The following ZNF292 variants were observed in gnomAD, a reference collection of about 807,000 sequenced individuals.
The protein encoded by ZNF292 is 16 zinc-finger domain protein.
Under a neutral mutation model 217.9 loss-of-function variants are expected in ZNF292, and 26 were observed. That is an observed-to-expected ratio of 0.12 (90% CI 0.09 to 0.17). The LOEUF (loss-of-function observed/expected upper bound fraction) is 0.17. Among genes scored for constraint, ZNF292 ranks in the 10% least tolerant of loss-of-function variants. The pLI, the probability that ZNF292 is intolerant of heterozygous loss-of-function variation, is 1.00. For missense variants in ZNF292, 2,904 were observed against 3,175.2 expected (o/e 0.91, Z 2.05); for synonymous variants, 1,257 against 1,124.1 (o/e 1.12, Z -2.37).
In ZNF292 at chr6:87,265,441, G is replaced by A. The variant is rs1200717607; in HGVS notation, c.*3640G>A. On this transcript the variant is annotated 3_prime_UTR_variant, in exon 8 of 8. Transcript: ENST00000369577. ...TCACCATGTTGGCCAGGCTGGTCTT[G>A]AACTCCTGACCTCAGGTGATCACCC... Among the ~76,000 whole-genome samples the A allele has an allele frequency of 1.3e-5, 2 of 152,038 alleles. No individual in the cohort carries two copies. Among genetic ancestry groups the A allele is most frequent in the Non-Finnish European group, 2.9e-5 (2 of 67,990 alleles).
At chr6:87,180,975 C>T (rs894750887) in intron 1 of ZNF292, among the ~76,000 whole-genome samples, 6 of 152,262 alleles carry the variant, frequency 3.9e-5, no homozygotes, top group East Asian at 3.9e-4. Context: ...ACCCCTAGGG[C>T]GAGCATGCAG....
rs756135623 is a variant in ZNF292 at position 87,218,687 on chromosome 6, T to A, written c.494T>A (p.Val165Glu). Reference sequence around the variant, plus strand: ...GAGACTGGGGTGTGGAAAAACCCGGTACTGTGCACTATTCTTTCCCAGGAA... The same window carrying A: ...GAGACTGGGGTGTGGAAAAACCCGGAACTGTGCACTATTCTTTCCCAGGAA... ...AQETGVWKNPVLCTILSQEPL... is the reference protein window; with the variant it reads ...AQETGVWKNPELCTILSQEPL... Residue 165 changes from valine to glutamate, a missense_variant, in exon 4 of 8, where the codon GTA (valine) becomes GAA (glutamate). Physicochemically the swap from Val to Glu is moderately radical, Grantham distance 121. Around this residue, in one of 15 missense-constraint regions of ZNF292, gnomAD observed 313 missense variants for 451.0 expected, o/e 0.69. Transcript: ENST00000369577. 1 of 1,597,240 alleles carries A rather than the reference T, an allele frequency of 6.3e-7. No homozygotes were observed. Among genetic ancestry groups the A allele is most frequent in the South Asian group, 1.1e-5 (1 of 86,970 alleles).
chr6:87,212,157 G>A (rs550858895), intron 1 of ZNF292, among the ~76,000 whole-genome samples: 1 of 152,168 alleles, frequency 6.6e-6, no homozygotes, highest in Non-Finnish European at 1.5e-5. Context: ...TATTATAAAG[G>A]ATACAAATGA....
intron 1 of ZNF292, among the ~76,000 whole-genome samples, chr6:87,180,149 G>A (rs1236864497): frequency 2.0e-5 from 3 of 152,086 alleles, no homozygotes; most frequent in Non-Finnish European, 2.9e-5. Flanking sequence ...GAGCTGAATC[G>A]CAAAACAAAA....
At position 87,259,432 on chromosome 6, in the gene ZNF292, C is replaced by A. The variant is rs375361849; in HGVS notation, c.5803C>A (p.Leu1935Ile). 3 of 1,596,032 alleles carry A rather than the reference C, an allele frequency of 1.9e-6. No individual in the cohort carries two copies. Among genetic ancestry groups the A allele is most frequent in the East Asian group, 4.5e-5 (2 of 44,304 alleles). Reference protein sequence around the residue: ...KIHQYTPEMILEIKKNQLKFA... With the variant: ...KIHQYTPEMIIEIKKNQLKFA... ...TCATCAATACACTCCAGAAATGATTCTTGAAATTAAGAAGAATCAATTGAA... is the reference window on the plus strand; with the variant it reads ...TCATCAATACACTCCAGAAATGATTATTGAAATTAAGAAGAATCAATTGAA... The change falls in exon 8 of 8, where the codon CTT becomes ATT. Residue 1935 changes from leucine to isoleucine, a missense_variant. Leu to Ile is a conservative substitution (Grantham distance 5). Coordinates refer to ENST00000369577, the MANE Select transcript of ZNF292 (RefSeq NM_015021.3).
At chr6:87,169,740 G>T (rs1268747597) in intron 1 of ZNF292, 1 of 436,576 alleles carries the variant, frequency 2.3e-6, no homozygotes, top group Non-Finnish European at 4.6e-6. Flanking sequence ...TCCACCTCCC[G>T]GGCTCAAGTG....
chr6:87,260,266 G>T lies in ZNF292; in HGVS notation c.6637G>T (p.Val2213Phe). The T allele has an allele frequency of 1.9e-6, 3 of 1,613,650 alleles. No individual in the cohort carries two copies. Among genetic ancestry groups the T allele is most frequent in the Non-Finnish European group, 2.5e-6 (3 of 1,179,640 alleles). ...EIESMTASVDVGKFPCDQLEC... is the reference protein window; with the variant it reads ...EIESMTASVDFGKFPCDQLEC... ...TGAAAGTATGACTGCTTCAGTGGATGTTGGGAAGTTTCCATGTGACCAGTT... is the reference window on the plus strand; with the variant it reads ...TGAAAGTATGACTGCTTCAGTGGATTTTGGGAAGTTTCCATGTGACCAGTT... The change falls in exon 8 of 8, where the codon GTT becomes TTT. Residue 2213 changes from valine to phenylalanine, a missense_variant. Val to Phe is a conservative substitution (Grantham distance 50). This residue lies in a region of ZNF292 where 261 missense variants were observed against 272.8 expected (regional missense o/e 0.96). Coordinates refer to ENST00000369577, the MANE Select transcript of ZNF292 (RefSeq NM_015021.3).
intron 1 of ZNF292, among the ~76,000 whole-genome samples, chr6:87,170,556 C>G (rs1771065841): frequency 6.6e-6 from 1 of 152,156 alleles, no homozygotes; most frequent in Admixed American, 6.5e-5. Flanking sequence ...TTACCTGATA[C>G]TGCAAATTCT....
chr6:87,207,449 G>A (rs1042170944), intron 1 of ZNF292, among the ~76,000 whole-genome samples: 5 of 152,064 alleles, frequency 3.3e-5, no homozygotes, highest in African/African-American at 7.2e-5. Flanking sequence ...TTTCAAGTTT[G>A]TAGTTTTCTT....
At chr6:87,203,154 T>A (rs994534227) in intron 1 of ZNF292, among the ~76,000 whole-genome samples, 4 of 104,236 alleles carry the variant, frequency 3.8e-5, no homozygotes, top group Admixed American at 1.0e-4. Flanking sequence ...TTTTTTTTTT[T>A]AAAGTGAGAC....
chr6:87,195,327 C>G (rs1582405179), intron 1 of ZNF292, among the ~76,000 whole-genome samples: 1 of 152,266 alleles, frequency 6.6e-6, no homozygotes, highest in Middle Eastern at 3.4e-3. Flanking sequence ...TGAAAAAATT[C>G]TGGTACAAAT....
chr6:87,216,474 A>G (rs1772783340), intron 3 of ZNF292, 97 bp downstream of exon 3: 7 of 825,598 alleles, frequency 8.5e-6, no homozygotes, highest in East Asian at 5.4e-5. Context: ...AGACATCTCA[A>G]TAATGACAGA....
intron 1 of ZNF292, among the ~76,000 whole-genome samples, chr6:87,196,036 AAAAAC>A (rs1771945789): frequency 6.6e-6 from 1 of 151,968 alleles, no homozygotes; most frequent in Admixed American, 6.6e-5. Flanking sequence ...TCAAAAAAAA[AAAAAC>A]AAAAAGAAAA....
rs189647680 is a variant in ZNF292, at chr6:87,165,565, G to A, written c.168+9806G>A. 3.4e-3 allele frequency among the ~76,000 whole-genome samples: 520 copies of A among 152,110 alleles called. 3 individuals carry two copies. The highest frequency in any genetic ancestry group is 0.017 in the Middle Eastern group (5 of 294). The stretch of plus-strand genomic sequence containing the variant: ...TCACTTATTTTAAAATGTTGCTCTT[G>A]ATTTTATAATCCACCAATAGGTCAT... On this transcript the variant is annotated intron_variant, in intron 1 of 7. Coordinates refer to ENST00000369577, the MANE Select transcript of ZNF292 (RefSeq NM_015021.3).
At chr6:87,240,317 A>G (rs1282410918) in intron 5 of ZNF292, among the ~76,000 whole-genome samples, 25 of 129,894 alleles carry the variant, frequency 1.9e-4, no homozygotes, top group South Asian at 5.3e-4. Context: ...GTCCAGCTTC[A>G]GCTCGGCATC....
At position 87,265,695 on chromosome 6, in the gene ZNF292, G is replaced by A. The variant is rs1391698717; in HGVS notation, c.*3894G>A. Among the ~76,000 whole-genome samples the A allele has an allele frequency of 6.6e-6, 1 of 152,052 alleles. No homozygotes were observed. Among genetic ancestry groups the A allele is most frequent in the African/African-American group, 2.4e-5 (1 of 41,384 alleles). ...CTAGCATTCTAAAGAACACACTTTG[G>A]GAAATGCTGATCTCAAATGGCATTT... On this transcript the variant is annotated 3_prime_UTR_variant, in exon 8 of 8. Transcript: ENST00000369577.
At chr6:87,177,791 A>G (rs77175720) in intron 1 of ZNF292, among the ~76,000 whole-genome samples, 1,624 of 152,372 alleles carry the variant, frequency 0.011, 16 homozygotes, top group Non-Finnish European at 0.016. Context: ...TAAGGATTAA[A>G]TGAGGCATCA....
chr6:87,183,528 G>A (rs1385004169), intron 1 of ZNF292, among the ~76,000 whole-genome samples: 2 of 152,024 alleles, frequency 1.3e-5, no homozygotes, highest in African/African-American at 4.8e-5. Context: ...CCTAATGTCT[G>A]AAATCCCAAA....
intron 1 of ZNF292, among the ~76,000 whole-genome samples, chr6:87,200,378 G>A (rs536038324): frequency 3.1e-4 from 47 of 152,088 alleles, no homozygotes; most frequent in Non-Finnish European, 5.6e-4. Context: ...TGTTTTATAC[G>A]GAGAAACAGT....
Sources: allele counts gnomAD v4.1 joint callset (sites outside exome capture counted in the v4.1 genomes callset), GRCh38; gene constraint gnomAD v4.1.1; regional missense constraint gnomAD v4.1.1; transcripts MANE v1.5; gene names NCBI Gene and HGNC (gene_info 2026-07-23, HGNC 2026-07-21).